Variants in LIMS1 observed in about 807,000 individuals in gnomAD.
LIMS1 encodes the protein LIM zinc finger domain containing 1, also known as LIM and senescent cell antigen-like-containing domain protein 1.
LIMS1 carries 18 observed loss-of-function variants against 44.1 expected under a neutral mutation model. The ratio of observed to expected loss-of-function variants is 0.41; its 90% CI spans 0.28 to 0.61. The LOEUF (loss-of-function observed/expected upper bound fraction) is 0.61. Ranked by LOEUF, LIMS1 falls within the 20% of genes least tolerant of loss-of-function variation. The pLI is 0.32. For missense variants in LIMS1, 201 were observed against 422.0 expected, an observed-to-expected ratio of 0.48 and a Z score of 4.59; for synonymous variants, 93 against 149.1, an observed-to-expected ratio of 0.62 and a Z score of 2.74.
chr2:108,564,474 T>TAA (rs1434368334), intron 1 of LIMS1, among the ~76,000 whole-genome samples: 2 of 152,136 alleles, frequency 1.3e-5, no homozygotes, highest in Non-Finnish European at 2.9e-5. Flanking sequence ...GATAAAGAGA[T>TAA]AGACTTATTT....
intron 1 of LIMS1, among the ~76,000 whole-genome samples, chr2:108,576,533 T>C (rs1290789035): frequency 3.9e-5 from 6 of 152,128 alleles, no homozygotes; most frequent in Non-Finnish European, 8.8e-5. Flanking sequence ...CCCGAGTAGC[T>C]GGGATTACAA....
At chr2:108,650,248 A>G (rs955967834) in intron 1 of LIMS1, among the ~76,000 whole-genome samples, 2 of 152,226 alleles carry the variant, frequency 1.3e-5, no homozygotes, top group East Asian at 1.9e-4. Context: ...ATGCCTGAAT[A>G]TAAAAGTTGA....
intron 1 of LIMS1, among the ~76,000 whole-genome samples, chr2:108,612,350 T>G (rs1687703844): frequency 6.6e-6 from 1 of 152,136 alleles, no homozygotes; most frequent in African/African-American, 2.4e-5. Flanking sequence ...TCAGTGCCTC[T>G]TCATACACCC....
At chr2:108,540,550 A>G (rs1036513224) in intron 1 of LIMS1, among the ~76,000 whole-genome samples, 3 of 152,180 alleles carry the variant, frequency 2.0e-5, no homozygotes, top group South Asian at 4.1e-4. Context: ...TAGTATTTAT[A>G]TAGTGCATGC....
chr2:108,549,275 GTTTCT>G (rs1684597071), intron 1 of LIMS1, among the ~76,000 whole-genome samples: 5 of 86,492 alleles, frequency 5.8e-5, no homozygotes, highest in Admixed American at 3.0e-4. Flanking sequence ...CAAGTAAAGT[GTTTCT>G]TTTTTTTTTT....
At chr2:108,673,976 A>G (rs1692321569) in intron 5 of LIMS1, 1 of 152,204 alleles carries the variant, frequency 6.6e-6, no homozygotes, top group Non-Finnish European at 1.5e-5. Context: ...ATAAGTTATG[A>G]TAAATTGTTG....
chr2:108,618,412 C>G (rs749562841), intron 1 of LIMS1, among the ~76,000 whole-genome samples: 1 of 152,138 alleles, frequency 6.6e-6, no homozygotes, highest in Non-Finnish European at 1.5e-5. Context: ...TGTCATGGCC[C>G]TGCTGTGTGT....
intron 1 of LIMS1, among the ~76,000 whole-genome samples, chr2:108,602,555 G>T (rs1348344345): frequency 6.6e-6 from 1 of 152,052 alleles, no homozygotes; most frequent in Non-Finnish European, 1.5e-5. Flanking sequence ...ATGATCATAA[G>T]GTTTTTATCC....
chr2:108,546,269 CTTT>C (rs35959257), intron 1 of LIMS1, among the ~76,000 whole-genome samples: 1 of 90,870 alleles, frequency 1.1e-5, no homozygotes, highest in African/African-American at 4.3e-5. Flanking sequence ...AGGCTACCGC[CTTT>C]TTTTTTTTTT....
At chr2:108,545,297 G>A (rs913731583) in intron 1 of LIMS1, among the ~76,000 whole-genome samples, 1 of 152,094 alleles carries the variant, frequency 6.6e-6, no homozygotes, top group Non-Finnish European at 1.5e-5. Flanking sequence ...GCAGTGGCTT[G>A]ATGTCGGCTC....
At chr2:108,546,055 A>G (rs534018970) in intron 1 of LIMS1, among the ~76,000 whole-genome samples, 5 of 152,348 alleles carry the variant, frequency 3.3e-5, no homozygotes, top group African/African-American at 1.2e-4. Flanking sequence ...AATCCTGTCT[A>G]GTCTCCTACT....
intron 1 of LIMS1, among the ~76,000 whole-genome samples, chr2:108,606,955 A>G (rs1329582681): frequency 2.0e-5 from 3 of 152,248 alleles, no homozygotes; most frequent in African/African-American, 7.2e-5. Flanking sequence ...AGTATGCAGT[A>G]AAGGGTATGT....
chr2:108,611,324 C>T (rs1188659628), intron 1 of LIMS1, among the ~76,000 whole-genome samples: 3 of 152,148 alleles, frequency 2.0e-5, no homozygotes, highest in African/African-American at 7.2e-5. Flanking sequence ...AAGAAGCACT[C>T]AATACATCTA....
chr2:108,534,333 C>A, upstream of LIMS1: 1 of 230,724 alleles, frequency 4.3e-6, no homozygotes, highest in Non-Finnish European at 8.3e-6. Context: ...CCCGCCCCGC[C>A]AGTCCCCGCC....
At chr2:108,624,260 A>C in intron 1 of LIMS1, among the ~76,000 whole-genome samples, 1 of 152,314 alleles carries the variant, frequency 6.6e-6, no homozygotes, top group South Asian at 2.1e-4. Flanking sequence ...TCCTTTAGCT[A>C]TTCTATCTTT....
chr2:108,681,646 C>T lies in LIMS1; in HGVS notation c.899+876C>T, dbSNP rs142116559. ...ATTAAATTATTTCAGCATGGCGAGGCATGGTGGCTCACGCCTGTAATCCCA... is the reference window on the plus strand; with the variant it reads ...ATTAAATTATTTCAGCATGGCGAGGTATGGTGGCTCACGCCTGTAATCCCA... On this transcript the variant is annotated intron_variant, in intron 9 of 9. Transcript: ENST00000544547. 1,189 of 941,762 alleles carry T rather than the reference C, an allele frequency of 1.3e-3. 9 individuals carry two copies. In the African/African-American group the frequency reaches 0.016, roughly 12 times the overall value. The allele number at this position is 941,762 out of a possible 1,614,324, so 58.3% of individuals were successfully genotyped here.
chr2:108,611,862 T>TATATATACACATATATATAAA (rs895613867), intron 1 of LIMS1, among the ~76,000 whole-genome samples: 1 of 133,264 alleles, frequency 7.5e-6, no homozygotes, highest in African/African-American at 2.8e-5. Context: ...TATACACACA[T>TATATATACACATATATATAAA]ATATATACAC....
At chr2:108,579,768 T>TGA (rs1251099115) in intron 1 of LIMS1, among the ~76,000 whole-genome samples, 7 of 152,160 alleles carry the variant, frequency 4.6e-5, no homozygotes, top group African/African-American at 1.7e-4. Flanking sequence ...ACTTGTAACT[T>TGA]GAGGTCAGAC....
chr2:108,599,614 A>C (rs1043549807), intron 1 of LIMS1, among the ~76,000 whole-genome samples: 8 of 152,196 alleles, frequency 5.3e-5, no homozygotes, highest in Non-Finnish European at 1.0e-4. Context: ...TGTTCTTCAC[A>C]GTGATTGTAC....
Sources: allele counts gnomAD v4.1 joint callset (sites outside exome capture counted in the v4.1 genomes callset), GRCh38; gene constraint gnomAD v4.1.1; transcripts MANE v1.5; gene names NCBI Gene and HGNC (gene_info 2026-07-23, HGNC 2026-07-21).